Variants in HMGB1 observed in about 807,000 individuals in gnomAD.
The protein encoded by HMGB1 is high mobility group protein B1.
For synonymous variants in HMGB1, 81 were observed against 84.0 expected (o/e 0.96, Z 0.19); for missense variants, 79 against 253.5 (o/e 0.31, Z 4.67).
intron 1 of HMGB1, among the ~76,000 whole-genome samples, chr13:30,589,007 C>CTTTTTTTTTTTTTTTTTTT (rs1292576513): frequency 2.8e-5 from 4 of 141,724 alleles, no homozygotes; most frequent in African/African-American, 1.0e-4. Flanking sequence ...TAGTTTACCA[C>CTTTTTTTTTTTTTTTTTTT]TTTTTTTTTT....
intron 1 of HMGB1, among the ~76,000 whole-genome samples, chr13:30,538,805 C>T (rs116037473): frequency 1.5e-4 from 4 of 27,448 alleles, no homozygotes; most frequent in Admixed American, 3.0e-4. Flanking sequence ...CTTCCTTTCT[C>T]TCTCTCTCCC....
intron 1 of HMGB1, among the ~76,000 whole-genome samples, chr13:30,613,849 T>A (rs2137578422): frequency 6.6e-6 from 1 of 152,164 alleles, no homozygotes; most frequent in African/African-American, 2.4e-5. Context: ...GAGAATGATG[T>A]ACGTAGAAAG....
chr13:30,492,789 G>A (rs1051235613), intron 1 of HMGB1, among the ~76,000 whole-genome samples: 1 of 151,864 alleles, frequency 6.6e-6, no homozygotes, highest in African/African-American at 2.4e-5. Context: ...TCAGGAGTTC[G>A]ACACCAGCCA....
At chr13:30,610,224 C>T (rs1038941997) in intron 1 of HMGB1, among the ~76,000 whole-genome samples, 1 of 152,112 alleles carries the variant, frequency 6.6e-6, no homozygotes, top group African/African-American at 2.4e-5. Flanking sequence ...TTAGCAGCTA[C>T]GTTTTTTGGG....
At chr13:30,463,735 AT>A in intron 1 of HMGB1, 41 bp from the exon 2 acceptor site, 2 of 1,330,330 alleles carry the variant, frequency 1.5e-6, no homozygotes, top group Non-Finnish European at 2.1e-6. Context: ...CAATAAAATT[AT>A]GACATATAAG....
chr13:30,490,463 T>C (rs1438991592), intron 1 of HMGB1, among the ~76,000 whole-genome samples: 1 of 151,908 alleles, frequency 6.6e-6, no homozygotes, highest in East Asian at 1.9e-4. Flanking sequence ...CTAATAGAAA[T>C]GCAAAAGTTA....
In HMGB1 at chr13:30,505,282, G is replaced by A. The variant is rs181160016; in HGVS notation, c.-14-41588C>T. Among the ~76,000 whole-genome samples the A allele has an allele frequency of 3.2e-3, 493 of 152,080 alleles. 1 individual carries two copies. The highest frequency in any genetic ancestry group is 5.4e-3 in the Non-Finnish European group (365 of 67,984). ...CAACCTCCGCCTCCTGGGTTCAAAC[G>A]ATTCTCCTGCCTCAGCCTCCCTAGT... On this transcript the variant is annotated intron_variant, in intron 1 of 4. Coordinates refer to the HMGB1 transcript ENST00000405805.
At chr13:30,488,620 G>A (rs1476427682) in intron 1 of HMGB1, among the ~76,000 whole-genome samples, 2 of 150,788 alleles carry the variant, frequency 1.3e-5, no homozygotes, top group Non-Finnish European at 2.9e-5. Context: ...AGTGACTGGG[G>A]CTACAAGCCT....
intron 1 of HMGB1, among the ~76,000 whole-genome samples, chr13:30,576,243 T>C (rs940822617): frequency 2.0e-5 from 3 of 152,192 alleles, no homozygotes; most frequent in African/African-American, 7.2e-5. Flanking sequence ...AAGCGCTGGA[T>C]TGAAGTCAAA....
intron 1 of HMGB1, among the ~76,000 whole-genome samples, chr13:30,556,651 C>A (rs1298779036): frequency 6.6e-6 from 1 of 152,048 alleles, no homozygotes; most frequent in East Asian, 1.9e-4. Context: ...TGAAAAAAGC[C>A]AGGAACAGAA....
chr13:30,541,231 T>G (rs528140441), intron 1 of HMGB1, among the ~76,000 whole-genome samples: 1 of 152,284 alleles, frequency 6.6e-6, no homozygotes. Context: ...TGGTGGCACA[T>G]GCCTGTAATC....
At chr13:30,552,437 G>T (rs1456642712) in intron 1 of HMGB1, among the ~76,000 whole-genome samples, 1 of 152,068 alleles carries the variant, frequency 6.6e-6, no homozygotes, top group African/African-American at 2.4e-5. Context: ...TTTCTCCTCA[G>T]TTGGCTGACT....
At chr13:30,583,452 G>A (rs9550572) in intron 1 of HMGB1, among the ~76,000 whole-genome samples, 2 of 147,108 alleles carry the variant, frequency 1.4e-5, no homozygotes, top group South Asian at 4.3e-4. Context: ...GATCACTTGA[G>A]CCCTGGAGGT....
chr13:30,551,199 T>A (rs1328802400), intron 1 of HMGB1, among the ~76,000 whole-genome samples: 3 of 152,176 alleles, frequency 2.0e-5, no homozygotes, highest in Non-Finnish European at 4.4e-5. Context: ...AAAAGATAAA[T>A]AAACCCCTGA....
At chr13:30,565,309 G>C (rs779848857) in intron 1 of HMGB1, among the ~76,000 whole-genome samples, 12 of 152,102 alleles carry the variant, frequency 7.9e-5, no homozygotes, top group Admixed American at 2.6e-4. Context: ...CTGTCTCACC[G>C]CCCACTTTTA....
At chr13:30,515,690 A>G (rs1392574296) in intron 1 of HMGB1, among the ~76,000 whole-genome samples, 2 of 150,834 alleles carry the variant, frequency 1.3e-5, no homozygotes, top group East Asian at 3.8e-4. Flanking sequence ...AATTGCTAAA[A>G]AAAAAAAAAA....
At chr13:30,509,158 T>C (rs558385361) in intron 1 of HMGB1, among the ~76,000 whole-genome samples, 158 of 152,266 alleles carry the variant, frequency 1.0e-3, no homozygotes, top group African/African-American at 2.9e-3. Context: ...GGCTGGTCTC[T>C]AGCTCTTGGG....
chr13:30,465,817 C>T lies in HMGB1; in HGVS notation c.-36G>A, dbSNP rs1366438341. The T allele has an allele frequency of 3.0e-6, 3 of 985,644 alleles. No homozygotes were observed. Among genetic ancestry groups the T allele is most frequent in the Non-Finnish European group, 3.6e-6 (3 of 829,768 alleles). The allele number at this position is 985,644 out of a possible 1,614,324, so 61.1% of individuals were successfully genotyped here. A position where few individuals can be genotyped will look rare whatever the true frequency, so the allele number is the denominator to read the frequency against. On this transcript the variant is annotated 5_prime_UTR_variant, in exon 1 of 5. Coordinates refer to ENST00000341423, the MANE Select transcript of HMGB1 (RefSeq NM_002128.7). ...TCACCCTCAGCGAGGCACAGAGTCGCCCAGTGCCCGTCCGGCTCTCACTTG... is the reference window on the plus strand; with the variant it reads ...TCACCCTCAGCGAGGCACAGAGTCGTCCAGTGCCCGTCCGGCTCTCACTTG...
At position 30,460,798 on chromosome 13, in the gene HMGB1, C is replaced by A. The variant is rs967484142; in HGVS notation, c.*559G>T. 1 of 153,260 alleles carries A rather than the reference C, an allele frequency of 6.5e-6. No individual in the cohort carries two copies. The highest frequency in any genetic ancestry group is 1.5e-5 in the Non-Finnish European group (1 of 68,712). The allele number at this position is 153,260 out of a possible 1,614,324, so 9.5% of individuals were successfully genotyped here. ...TTAGCTAACTATATGAAAGGATAAA[C>A]ACTGTAATAATTCATGTGATTCAAA... On this transcript the variant is annotated 3_prime_UTR_variant, in exon 5 of 5. Coordinates refer to ENST00000341423, the MANE Select transcript of HMGB1 (RefSeq NM_002128.7).
Sources: gnomAD v4.1 joint callset for allele counts (sites outside exome capture counted in the v4.1 genomes callset) on GRCh38, gnomAD v4.1.1 for gene constraint, MANE v1.5 for transcripts, NCBI Gene and HGNC (gene_info 2026-07-23, HGNC 2026-07-21) for gene names.